The following SPDYE14 variants were observed in gnomAD, a reference collection of about 807,000 sequenced individuals.
SPDYE14 encodes the protein speedy/RINGO cell cycle regulator family member E14.
chr7:75,275,739 TAAAAAA>T, the SPDYE14 span, among the ~76,000 whole-genome samples: 3 of 14,544 alleles, frequency 2.1e-4, 1 homozygote, highest in African/African-American at 3.3e-4. Context: ...AAAAATAAAT[TAAAAAA>T]AAAAAAAAAA....
the SPDYE14 span, among the ~76,000 whole-genome samples, chr7:75,272,778 C>T: frequency 1.6e-4 from 9 of 55,180 alleles, 4 homozygotes; most frequent in African/African-American, 2.1e-4. Context: ...CCCAGTTACT[C>T]GGGAGGCTGA....
the SPDYE14 span, among the ~76,000 whole-genome samples, chr7:75,244,188 C>T: frequency 2.3e-5 from 1 of 43,104 alleles, no homozygotes; most frequent in African/African-American, 6.2e-5. Flanking sequence ...AGCTCCGCCT[C>T]CCAGGTTCAT....
the SPDYE14 span, chr7:75,237,657 G>C: frequency 4.6e-5 from 4 of 86,352 alleles, no homozygotes; most frequent in Non-Finnish European, 1.0e-4. Context: ...GCGGAGCAGC[G>C]GCGCGCGGCG....
chr7:75,279,280 CT>C, the SPDYE14 span, among the ~76,000 whole-genome samples: 5 of 47,390 alleles, frequency 1.1e-4, no homozygotes, highest in African/African-American at 3.0e-4. Context: ...GCGGCATATT[CT>C]TTTTTTTTCT....
At chr7:75,263,869 C>CAATA in the SPDYE14 span, among the ~76,000 whole-genome samples, 53 of 11,892 alleles carry the variant, frequency 4.5e-3, no homozygotes, top group African/African-American at 8.3e-3. Context: ...GACTTGGTCT[C>CAATA]AATAAATAAA....
chr7:75,237,664 G>A, the SPDYE14 span: 1 of 93,050 alleles, frequency 1.1e-5, no homozygotes, highest in African/African-American at 3.1e-5. Flanking sequence ...AGCGGCGCGC[G>A]GCGCCCGGCG....
chr7:75,240,611 C>A, the SPDYE14 span, among the ~76,000 whole-genome samples: 45 of 65,184 alleles, frequency 6.9e-4, 10 homozygotes, highest in African/African-American at 1.8e-3. Context: ...AAAAAAAACA[C>A]AAAAAACAAA....
the SPDYE14 span, among the ~76,000 whole-genome samples, chr7:75,265,357 C>T: frequency 8.3e-5 from 5 of 60,236 alleles, no homozygotes; most frequent in Admixed American, 4.5e-4. Flanking sequence ...GATCTGCCCA[C>T]ATCGGCCTCC....
the SPDYE14 span, among the ~76,000 whole-genome samples, chr7:75,240,609 C>A: frequency 1.1e-4 from 7 of 64,654 alleles, 2 homozygotes; most frequent in Non-Finnish European, 2.0e-4. Context: ...AAAAAAAAAA[C>A]ACAAAAAACA....
chr7:75,279,893 A>G, the SPDYE14 span, among the ~76,000 whole-genome samples: 1 of 29,752 alleles, frequency 3.4e-5, no homozygotes, highest in African/African-American at 8.8e-5. Context: ...CGGAACCCAC[A>G]GGTTCTTTGG....
the SPDYE14 span, among the ~76,000 whole-genome samples, chr7:75,275,739 TAAAAAAAAAAA>T: frequency 0.016 from 235 of 14,552 alleles, 101 homozygotes; most frequent in Non-Finnish European, 0.037. Flanking sequence ...AAAAATAAAT[TAAAAAAAAAAA>T]AAAAAAAAAA....
At chr7:75,237,668 C>G in the SPDYE14 span, 1 of 95,782 alleles carries the variant, frequency 1.0e-5, no homozygotes, top group South Asian at 4.5e-4. Context: ...GCGCGCGGCG[C>G]CCGGCGCGGG....
At chr7:75,261,018 G>A in the SPDYE14 span, among the ~76,000 whole-genome samples, 1 of 72,506 alleles carries the variant, frequency 1.4e-5, no homozygotes, top group Non-Finnish European at 3.6e-5. Flanking sequence ...CCAGCTACTG[G>A]GGAGGCTGAG....
At chr7:75,237,707 A>G in the SPDYE14 span, 456 of 106,934 alleles carry the variant, frequency 4.3e-3, no homozygotes, top group African/African-American at 0.012. Flanking sequence ...GTAACAAACA[A>G]CTTGCCACTC....
chr7:75,241,693 ATATTTTT>A, the SPDYE14 span, among the ~76,000 whole-genome samples: 1 of 22,706 alleles, frequency 4.4e-5, no homozygotes, highest in African/African-American at 1.0e-4. Flanking sequence ...ATATATATAT[ATATTTTT>A]TTTTTTTTTT....
chr7:75,276,521 G>A, the SPDYE14 span, among the ~76,000 whole-genome samples: 29 of 51,062 alleles, frequency 5.7e-4, 7 homozygotes, highest in African/African-American at 1.4e-3. Flanking sequence ...GGAGGTTATA[G>A]TGAGACGAGA....
chr7:75,279,014 A>G, the SPDYE14 span, among the ~76,000 whole-genome samples: 2 of 119,180 alleles, frequency 1.7e-5, 1 homozygote, highest in East Asian at 4.3e-4. Flanking sequence ...CAAAAAGATC[A>G]GTGTCATGAA....
the SPDYE14 span, among the ~76,000 whole-genome samples, chr7:75,247,472 G>T: frequency 1.9e-5 from 2 of 106,316 alleles, no homozygotes; most frequent in African/African-American, 5.8e-5. Context: ...AAAAGAGAAA[G>T]AAAGAAAGAA....
At chr7:75,249,832 C>G in the SPDYE14 span, among the ~76,000 whole-genome samples, 5 of 124,506 alleles carry the variant, frequency 4.0e-5, no homozygotes, top group African/African-American at 1.6e-4. Flanking sequence ...CACCACCACA[C>G]CCGGCTAATT....
Sources: allele counts gnomAD v4.1 joint callset (sites outside exome capture counted in the v4.1 genomes callset), GRCh38; gene constraint gnomAD v4.1.1; transcripts MANE v1.5; gene names NCBI Gene and HGNC (gene_info 2026-07-23, HGNC 2026-07-21).